The following CTDNEP1 variants were observed in gnomAD, a reference collection of about 807,000 sequenced individuals.
CTDNEP1 encodes CTD nuclear envelope phosphatase 1, also known as C-terminal domain nuclear envelope phosphatase 1.
A neutral mutation model predicts 30.1 loss-of-function variants in CTDNEP1; 3 were observed. The observed-to-expected ratio is 0.10, with a 90% CI of 0.05 to 0.26. The LOEUF (loss-of-function observed/expected upper bound fraction) is 0.26, where lower values mean the gene tolerates loss of function less well. CTDNEP1 is among the 10% of genes least tolerant of loss of function. The probability of loss-of-function intolerance (pLI) is 1.00; values close to 1 mark genes in which losing one functional copy is unlikely to be tolerated. For synonymous variants in CTDNEP1, 123 were observed against 118.8 expected, an observed-to-expected ratio of 1.04 and a Z score of -0.23; for missense variants, 158 against 310.4, an observed-to-expected ratio of 0.51 and a Z score of 3.69.
chr17:7,251,548 T>C lies in CTDNEP1; in HGVS notation c.-252A>G. 1 of 310,810 alleles carries C rather than the reference T, an allele frequency of 3.2e-6. No individual in the cohort carries two copies. 19.3% of individuals were successfully genotyped at this position (310,810 alleles called of 1,614,324 possible). A position where few individuals can be genotyped will look rare whatever the true frequency, so the allele number is the denominator to read the frequency against. ...ATGGGCTGGGAGTGGCACCGACGGC[T>C]TCGGGGAGGTTGCGGGCCGAGACAG... On this transcript the variant is annotated 5_prime_UTR_variant, in exon 1 of 8. Transcript: ENST00000574322.
rs2071804120 is a variant in CTDNEP1, at chr17:7,243,670, G to A, written c.*515C>T. 1 of 159,318 alleles carries A rather than the reference G, an allele frequency of 6.3e-6. No individual in the cohort carries two copies. 9.9% of individuals were successfully genotyped at this position (159,318 alleles called of 1,614,324 possible). On this transcript the variant is annotated 3_prime_UTR_variant, in exon 8 of 8. Coordinates refer to ENST00000574322, the MANE Select transcript of CTDNEP1 (RefSeq NM_001143775.2). ...CAAAGCTGGTTACAGGTCTGAGGGA[G>A]TCTAAGGAGAGAAAAATAGAGGGAG...
At position 7,245,501 on chromosome 17, in the gene CTDNEP1, A is replaced by T. The variant is rs551634540; in HGVS notation, c.589+525T>A. 3.3e-5 allele frequency among the ~76,000 whole-genome samples: 5 copies of T among 151,432 alleles called. No homozygotes were observed. The South Asian group carries it at 8.3e-4, about 25-fold the overall frequency. ...AAATAAATTTTATTTTTATTTATTT[A>T]TTATTTATTTTTTTTGAGACGGCGT... On this transcript the variant is annotated intron_variant, in intron 6 of 7. Coordinates refer to ENST00000574322, the MANE Select transcript of CTDNEP1 (RefSeq NM_001143775.2).
At chr17:7,248,854 T>A (rs1310956735) in intron 1 of CTDNEP1, among the ~76,000 whole-genome samples, 1 of 152,168 alleles carries the variant, frequency 6.6e-6, no homozygotes, top group Admixed American at 6.5e-5. Context: ...AATGAGGGAA[T>A]CCAGAGGTTG....
chr17:7,251,967 T>G (rs577960437), upstream of CTDNEP1: 15 of 171,750 alleles, frequency 8.7e-5, no homozygotes, highest in South Asian at 2.0e-4. Context: ...CATTTTACCG[T>G]CCAAAGGACT....
In CTDNEP1 at chr17:7,246,088, T is replaced by C; in HGVS notation, c.527A>G (p.His176Arg). The C allele has an allele frequency of 6.2e-7, 1 of 1,614,120 alleles. No individual in the cohort carries two copies. Among genetic ancestry groups the C allele is most frequent in the Non-Finnish European group, 8.5e-7 (1 of 1,180,002 alleles). ...GATCACAATGCTGGAGAGGTCACTG[T>C]GGACCACAGAGAGGTCCTTGATGTA... The part of the protein sequence containing the change: ...GSYIKDLSVV[H>R]SDLSSIVILD... The change falls in exon 6 of 8, where the codon CAC becomes CGC. Residue 176 changes from histidine (H) to arginine (R), a missense_variant. Coordinates refer to ENST00000574322, the MANE Select transcript of CTDNEP1 (RefSeq NM_001143775.2). The surrounding 1 kb of genome is among the most constrained non-coding windows in gnomAD (Gnocchi z 4.9).
Position 7,246,897 on chromosome 17 carries a change from G to T in CTDNEP1, c.289-35C>A. The T allele has an allele frequency of 6.3e-7, 1 of 1,587,030 alleles. No individual in the cohort carries two copies. Among genetic ancestry groups the T allele is most frequent in the South Asian group, 1.1e-5 (1 of 90,364 alleles). ...AACAAGATGGGCTGGGGGATGTCAT[G>T]ACCACCACAACCCAGGCCTAGAAAA... On this transcript the variant is annotated intron_variant, in intron 3 of 7. Coordinates refer to ENST00000574322, the MANE Select transcript of CTDNEP1 (RefSeq NM_001143775.2). This position sits in a 1 kb window ranked among gnomAD's most constrained non-coding sequence, Gnocchi z 4.9.
rs1338163725 is a variant in CTDNEP1 at position 7,251,662 on chromosome 17, G to A, written c.-366C>T. 1.2e-5 allele frequency: 2 copies of A among 163,374 alleles called. No homozygotes were observed. Among genetic ancestry groups the A allele is most frequent in the African/African-American group, 2.4e-5 (1 of 41,112 alleles). 10.1% of individuals were successfully genotyped at this position (163,374 alleles called of 1,614,324 possible). ...CAGTGGGGGAGGGGGCTAGGGAAAA[G>A]GGAGGAAGGGAAAAGGGAAGGGGAG... is the stretch of plus-strand genomic sequence containing the variant. On this transcript the variant is annotated 5_prime_UTR_variant, in exon 1 of 8. Transcript: ENST00000574322.
At position 7,245,106 on chromosome 17, in the gene CTDNEP1, C is replaced by T. The variant is rs555788763; in HGVS notation, c.590-471G>A. Among the ~76,000 whole-genome samples the T allele has an allele frequency of 2.8e-4, 42 of 152,264 alleles. No individual in the cohort carries two copies. The South Asian group carries it at 3.1e-3, about 11-fold the overall frequency. On this transcript the variant is annotated intron_variant, in intron 6 of 7. Coordinates refer to ENST00000574322, the MANE Select transcript of CTDNEP1 (RefSeq NM_001143775.2). ...AGGAATTCAAGACCAGCCTGGCCAA[C>T]GTGGTGAAACTCCGTCGCTACTAAA...
intron 1 of CTDNEP1, among the ~76,000 whole-genome samples, chr17:7,248,291 G>GA (rs1213245984): frequency 8.5e-6 from 1 of 118,110 alleles, no homozygotes; most frequent in African/African-American, 3.2e-5. Flanking sequence ...AAAAAAAGTA[G>GA]AATCAATGAA....
chr17:7,249,193 C>T (rs777483474), intron 1 of CTDNEP1, among the ~76,000 whole-genome samples: 10 of 152,226 alleles, frequency 6.6e-5, no homozygotes, highest in Non-Finnish European at 1.3e-4. Flanking sequence ...CATACAAAGC[C>T]TGGCAATTCC....
At chr17:7,247,439 C>A in intron 1 of CTDNEP1, 96 bp from the exon 2 acceptor site, 14 of 853,576 alleles carry the variant, frequency 1.6e-5, no homozygotes, top group Non-Finnish European at 2.7e-5. Context: ...ACCACAGGTA[C>A]TATGTATGTA....
intron 1 of CTDNEP1, among the ~76,000 whole-genome samples, chr17:7,249,046 G>C (rs1017814490): frequency 6.6e-6 from 1 of 152,188 alleles, no homozygotes; most frequent in African/African-American, 2.4e-5. Context: ...AGGCTGACTG[G>C]CAGGGTCTGG....
intron 1 of CTDNEP1, among the ~76,000 whole-genome samples, chr17:7,248,551 G>A (rs2071874389): frequency 1.3e-5 from 2 of 151,640 alleles, no homozygotes; most frequent in East Asian, 3.9e-4. Context: ...TAGAGACGGG[G>A]TTTCACCATA....
intron 6 of CTDNEP1, among the ~76,000 whole-genome samples, chr17:7,245,254 T>C (rs2071820583): frequency 6.6e-6 from 1 of 151,816 alleles, no homozygotes; most frequent in Non-Finnish European, 1.5e-5. Flanking sequence ...ATCACGCCAC[T>C]GCATTCCAGC....
chr17:7,245,965 G>T, intron 6 of CTDNEP1, 61 bp downstream of exon 6: 1 of 1,171,726 alleles, frequency 8.5e-7, no homozygotes, highest in Non-Finnish European at 1.3e-6. Context: ...CAGGTCTCCT[G>T]CAAAAATACC....
At chr17:7,247,213 C>T in intron 2 of CTDNEP1, 31 bp from the exon 3 acceptor site, 2 of 1,610,496 alleles carry the variant, frequency 1.2e-6, no homozygotes, top group Non-Finnish European at 1.7e-6. Context: ...ATAATATTGA[C>T]CGACCTCTGA....
rs1423869261 is a variant in CTDNEP1 at position 7,246,729 on chromosome 17, A to G, written c.360+62T>C. 6.9e-7 allele frequency: 1 copy of G among 1,441,764 alleles called. No individual in the cohort carries two copies. The highest frequency in any genetic ancestry group is 1.4e-5 in the African/African-American group (1 of 70,742). The allele number at this position is 1,441,764 out of a possible 1,614,324, so 89.3% of individuals were successfully genotyped here. ...TCACCCCTTCCTCCAAATCCTCCCAATTCCCAGAGCCCTAAAACCATTCCT... is the reference window on the plus strand; with the variant it reads ...TCACCCCTTCCTCCAAATCCTCCCAGTTCCCAGAGCCCTAAAACCATTCCT... On this transcript the variant is annotated intron_variant, in intron 4 of 7. Coordinates refer to ENST00000574322, the MANE Select transcript of CTDNEP1 (RefSeq NM_001143775.2). This position sits in a 1 kb window ranked among gnomAD's most constrained non-coding sequence, Gnocchi z 4.9.
At position 7,245,594 on chromosome 17, in the gene CTDNEP1, G is replaced by C. The variant is rs963952131; in HGVS notation, c.589+432C>G. On this transcript the variant is annotated intron_variant, in intron 6 of 7. Transcript: ENST00000574322. Reference sequence around the variant, plus strand: ...GCTCACTGCAACCTCCGCCTCCCGGGTTCAAGCGATTCTCCTGCCTCAGCC... The same window carrying C: ...GCTCACTGCAACCTCCGCCTCCCGGCTTCAAGCGATTCTCCTGCCTCAGCC... 2.0e-5 allele frequency among the ~76,000 whole-genome samples: 3 copies of C among 151,740 alleles called. No homozygotes were observed. The East Asian group carries it at 5.9e-4, about 30-fold the overall frequency.
Position 7,246,382 on chromosome 17 carries a change from TG to T in CTDNEP1, c.361-13del. 6.3e-7 allele frequency: 1 copy of T among 1,587,568 alleles called. No homozygotes were observed. The highest frequency in any genetic ancestry group is 8.6e-7 in the Non-Finnish European group (1 of 1,156,916). On this transcript the variant is annotated splice_polypyrimidine_tract_variant and intron_variant, in intron 4 of 7. Coordinates refer to ENST00000574322, the MANE Select transcript of CTDNEP1 (RefSeq NM_001143775.2). This position sits in a 1 kb window ranked among gnomAD's most constrained non-coding sequence, Gnocchi z 4.9. ...TACCACTGGCTCACCTGAAATAGATTGGGGGAGAGGGCGATGCCATACAAGG... is the reference window on the plus strand; with the variant it reads ...TACCACTGGCTCACCTGAAATAGATTGGGGAGAGGGCGATGCCATACAAGG...
Sources: allele counts gnomAD v4.1 joint callset (sites outside exome capture counted in the v4.1 genomes callset), GRCh38; gene constraint gnomAD v4.1.1; non-coding constraint Gnocchi (gnomAD v3.1); transcripts MANE v1.5; gene names NCBI Gene and HGNC (gene_info 2026-07-23, HGNC 2026-07-21).